OPCML: variants seen among roughly 807,000 people sequenced by gnomAD.
OPCML encodes the protein opioid-binding protein/cell adhesion molecule.
A neutral mutation model predicts 37.8 loss-of-function variants in OPCML; 13 were observed. That is an observed-to-expected ratio of 0.34 (90% CI 0.22 to 0.55). The LOEUF is 0.55. OPCML is among the 20% of genes least tolerant of loss of function. The pLI, the probability that OPCML is intolerant of heterozygous loss-of-function variation, is 0.91. For synonymous variants in OPCML, 176 were observed against 168.8 expected (o/e 1.04, Z -0.33); for missense variants, 341 against 435.6 (o/e 0.78, Z 1.93).
chr11:133,000,259 C>G (rs73588504), intron 1 of OPCML, among the ~76,000 whole-genome samples: 2 of 151,966 alleles, frequency 1.3e-5, no homozygotes, highest in African/African-American at 4.8e-5. Flanking sequence ...ATTACAGGCA[C>G]GCACCACCGC....
In OPCML at chr11:133,142,009, C is replaced by T. The variant is rs138285269; in HGVS notation, c.62-198999G>A. On this transcript the variant is annotated intron_variant, in intron 1 of 7. Transcript: ENST00000524381. ...TGAGTTTGCTGGGTTAGAGCCCAAG[C>T]TCTGACTTTTAAGAGCTCTATTAAA... 3.7e-3 allele frequency among the ~76,000 whole-genome samples: 568 copies of T among 152,302 alleles called. 5 individuals are homozygous for T. The highest frequency in any genetic ancestry group is 0.013 in the African/African-American group (549 of 41,550).
At chr11:133,393,900 T>C (rs1446967134) in intron 1 of OPCML, among the ~76,000 whole-genome samples, 1 of 152,368 alleles carries the variant, frequency 6.6e-6, no homozygotes, top group Non-Finnish European at 1.5e-5. Context: ...TTGGATCACC[T>C]GCTTAAGAAG....
At chr11:133,306,284 G>A (rs1337000017) in intron 1 of OPCML, among the ~76,000 whole-genome samples, 1 of 152,104 alleles carries the variant, frequency 6.6e-6, no homozygotes, top group Non-Finnish European at 1.5e-5. Flanking sequence ...CCATAATGAC[G>A]CAGCAAAATA....
chr11:133,454,025 G>A (rs1418076266), intron 1 of OPCML, among the ~76,000 whole-genome samples: 4 of 152,300 alleles, frequency 2.6e-5, no homozygotes, highest in East Asian at 1.9e-4. Flanking sequence ...TGGAAGGGAC[G>A]TTAGAGGCCA....
chr11:132,844,331 C>T (rs367633560), intron 2 of OPCML, among the ~76,000 whole-genome samples: 3 of 152,054 alleles, frequency 2.0e-5, no homozygotes, highest in Non-Finnish European at 4.4e-5. Context: ...TGTGAAAACA[C>T]GGAGTCAGGA....
At chr11:133,226,296 T>C (rs1592121901) in intron 1 of OPCML, among the ~76,000 whole-genome samples, 1 of 152,366 alleles carries the variant, frequency 6.6e-6, no homozygotes, top group South Asian at 2.1e-4. Context: ...CTTGCCCTCA[T>C]GGAGCTATAA....
intron 4 of OPCML, among the ~76,000 whole-genome samples, chr11:132,520,445 G>A (rs1282907979): frequency 6.6e-6 from 1 of 152,130 alleles, no homozygotes; most frequent in Non-Finnish European, 1.5e-5. Flanking sequence ...ACCCACTTGA[G>A]ATGATTCATG....
chr11:133,311,029 C>T (rs1943055968), intron 1 of OPCML, among the ~76,000 whole-genome samples: 1 of 152,134 alleles, frequency 6.6e-6, no homozygotes. Context: ...AGATGGCAGG[C>T]AGCAATATAA....
intron 3 of OPCML, among the ~76,000 whole-genome samples, chr11:132,638,186 T>TATATATAGAGAGAGAGAG (rs71067383): frequency 3.8e-5 from 5 of 131,020 alleles, no homozygotes; most frequent in African/African-American, 1.4e-4. Context: ...TATATATATA[T>TATATATAGAGAGAGAGAG]ACAGAGAGAG....
At chr11:132,941,341 T>C (rs115994150) in intron 2 of OPCML, among the ~76,000 whole-genome samples, 2,605 of 152,266 alleles carry the variant, frequency 0.017, 78 homozygotes, top group African/African-American at 0.06. Context: ...TTCTGGAAAA[T>C]TCACGACTGA....
intron 1 of OPCML, chr11:133,299,704 GA>G (rs1351236588): frequency 3.3e-5 from 5 of 152,166 alleles, no homozygotes; most frequent in African/African-American, 1.2e-4. Context: ...TTTTATTAGG[GA>G]GGATTTCAGT....
chr11:132,739,667 A>AGC (rs914039420), intron 2 of OPCML, among the ~76,000 whole-genome samples: 11 of 152,236 alleles, frequency 7.2e-5, no homozygotes, highest in Non-Finnish European at 1.3e-4. Context: ...AAGGGAAGAC[A>AGC]GTGTGTGATA....
At chr11:133,159,250 G>A (rs1270249861) in intron 1 of OPCML, among the ~76,000 whole-genome samples, 1 of 152,178 alleles carries the variant, frequency 6.6e-6, no homozygotes, top group East Asian at 1.9e-4. Context: ...TCATTCCCAT[G>A]AGGGCTCTGC....
intron 2 of OPCML, among the ~76,000 whole-genome samples, chr11:132,844,587 G>A (rs570641111): frequency 7.2e-5 from 11 of 152,314 alleles, no homozygotes; most frequent in African/African-American, 2.4e-4. Flanking sequence ...TAGTTCAGAT[G>A]AGACATGATG....
chr11:132,857,642 G>A (rs750858669), intron 2 of OPCML, among the ~76,000 whole-genome samples: 11 of 152,026 alleles, frequency 7.2e-5, no homozygotes, highest in Admixed American at 2.6e-4. Flanking sequence ...CTGTAGCTGC[G>A]TTCTAAGAAA....
At chr11:133,375,358 C>T (rs187529706) in intron 1 of OPCML, among the ~76,000 whole-genome samples, 1 of 152,240 alleles carries the variant, frequency 6.6e-6, no homozygotes, top group African/African-American at 2.4e-5. Flanking sequence ...TCCACCATGC[C>T]TTGCAGACCA....
chr11:133,285,459 C>T (rs1942270220), intron 1 of OPCML, among the ~76,000 whole-genome samples: 1 of 152,124 alleles, frequency 6.6e-6, no homozygotes, highest in African/African-American at 2.4e-5. Flanking sequence ...CTTTGTTGTG[C>T]CGGTCTGTTT....
chr11:132,528,173 T>G (rs900407020), intron 4 of OPCML, among the ~76,000 whole-genome samples: 2 of 150,596 alleles, frequency 1.3e-5, no homozygotes, highest in Non-Finnish European at 2.9e-5. Context: ...TTAGGGCTTT[T>G]CTTGTCCTGG....
rs187828448 is a variant in OPCML at position 132,463,555 on chromosome 11, C to A, written c.506-26196G>T. On this transcript the variant is annotated intron_variant, in intron 4 of 7. Transcript: ENST00000524381. ...ACGTGCATCATCACCCTTGAGAAGC[C>A]CTGCTGTACCACACTGCAAGGATTG... 1.5e-4 allele frequency among the ~76,000 whole-genome samples: 23 copies of A among 152,294 alleles called. 1 individual carries two copies. In the East Asian group the frequency reaches 4.3e-3, roughly 28 times the overall value.
Sources: gnomAD v4.1 joint callset for allele counts (sites outside exome capture counted in the v4.1 genomes callset) on GRCh38, gnomAD v4.1.1 for gene constraint, MANE v1.5 for transcripts, NCBI Gene and HGNC (gene_info 2026-07-23, HGNC 2026-07-21) for gene names.